Variants in ZNF506 observed in about 807,000 individuals in gnomAD.
ZNF506 encodes the protein zinc finger protein 506.
A neutral mutation model predicts 11.6 loss-of-function variants in ZNF506; 10 were observed. The ratio of observed to expected loss-of-function variants is 0.86; its 90% CI spans 0.53 to 1.46. The LOEUF is 1.46. Ranked by LOEUF, ZNF506 falls within the 40% of genes most tolerant of loss-of-function variation. ZNF506 has a pLI of 0.00. For missense variants in ZNF506, 425 were observed against 521.2 expected (o/e 0.82, Z 1.80); for synonymous variants, 156 against 173.3 (o/e 0.90, Z 0.78).
rs896200421 is a variant in ZNF506, at chr19:19,792,795, T to C, written c.*1757A>G. Among the ~76,000 whole-genome samples the C allele has an allele frequency of 5.9e-5, 9 of 151,894 alleles. No homozygotes were observed. The highest frequency in any genetic ancestry group is 1.2e-4 in the Non-Finnish European group (8 of 67,976). On this transcript the variant is annotated 3_prime_UTR_variant, in exon 4 of 4. Coordinates refer to ENST00000540806, the MANE Select transcript of ZNF506 (RefSeq NM_001099269.3). ...TTAAAATGGTCTGCCAACATGTTAATGTAGGTTAGGCCATCCAAAAGACAA... is the reference window on the plus strand; with the variant it reads ...TTAAAATGGTCTGCCAACATGTTAACGTAGGTTAGGCCATCCAAAAGACAA...
At chr19:19,799,530 T>A in intron 3 of ZNF506, 1 of 618,406 alleles carries the variant, frequency 1.6e-6, no homozygotes, top group Non-Finnish European at 2.8e-6. Context: ...AAAAATGGAA[T>A]TAGAGTATAA....
chr19:19,799,190 T>A (rs1267888381), intron 3 of ZNF506: 1 of 323,862 alleles, frequency 3.1e-6, no homozygotes, highest in Non-Finnish European at 5.5e-6. Flanking sequence ...TTTGTGCGTG[T>A]GTGTGTCTCA....
At chr19:19,807,432 T>G (rs1273644890) in intron 1 of ZNF506, among the ~76,000 whole-genome samples, 1 of 152,220 alleles carries the variant, frequency 6.6e-6, no homozygotes, top group Non-Finnish European at 1.5e-5. Context: ...CTCTCAAATT[T>G]TAATATGTAC....
intron 3 of ZNF506, among the ~76,000 whole-genome samples, chr19:19,801,451 T>TG (rs2062791833): frequency 6.8e-6 from 1 of 147,254 alleles, no homozygotes; most frequent in Admixed American, 6.8e-5. Context: ...GCCAAAATCA[T>TG]GCCACTGCAC....
chr19:19,805,013 C>A (rs1420858545), intron 3 of ZNF506, among the ~76,000 whole-genome samples: 1 of 152,048 alleles, frequency 6.6e-6, no homozygotes, highest in Non-Finnish European at 1.5e-5. Flanking sequence ...AGCAAACCAA[C>A]ATGGCACATG....
At position 19,794,493 on chromosome 19, in the gene ZNF506, G is replaced by C; in HGVS notation, c.*59C>G. 1 of 1,472,762 alleles carries C rather than the reference G, an allele frequency of 6.8e-7. No individual in the cohort carries two copies. The highest frequency in any genetic ancestry group is 1.4e-5 in the African/African-American group (1 of 70,886). 91.2% of individuals were successfully genotyped at this position (1,472,762 alleles called of 1,614,324 possible). On this transcript the variant is annotated 3_prime_UTR_variant, in exon 4 of 4. Coordinates refer to ENST00000540806, the MANE Select transcript of ZNF506 (RefSeq NM_001099269.3). The stretch of plus-strand genomic sequence containing the variant: ...AATTCTCATATTTAGTCAGAGTCCA[G>C]GGCTAGTTAAAGGCTTTCCCACATT...
At chr19:19,800,423 T>TA (rs1568474341) in intron 3 of ZNF506, among the ~76,000 whole-genome samples, 1 of 147,396 alleles carries the variant, frequency 6.8e-6, no homozygotes, top group African/African-American at 2.5e-5. Context: ...TTTATATATA[T>TA]TATTTTTTTT....
rs559051159 is a variant in ZNF506 at position 19,805,730 on chromosome 19, C to T, written c.226+301G>A. Among the ~76,000 whole-genome samples the T allele has an allele frequency of 1.9e-4, 29 of 152,214 alleles. 1 individual carries two copies. The East Asian group carries it at 5.0e-3, about 26-fold the overall frequency. On this transcript the variant is annotated intron_variant, in intron 3 of 3. Transcript: ENST00000540806. ...GTGTGTCCCCAAAACAATGGAAAAA[C>T]AGCCAGATTGTGCAGTCTCTTATCT...
intron 1 of ZNF506, among the ~76,000 whole-genome samples, chr19:19,816,507 G>A (rs2062932721): frequency 6.6e-6 from 1 of 152,128 alleles, no homozygotes; most frequent in South Asian, 2.1e-4. Context: ...ACAGGCACCT[G>A]CCACCACGCC....
At chr19:19,808,629 G>C (rs566553976) in intron 1 of ZNF506, among the ~76,000 whole-genome samples, 1 of 151,082 alleles carries the variant, frequency 6.6e-6, no homozygotes, top group Non-Finnish European at 1.5e-5. Context: ...GGCGGATCAC[G>C]AGGTCATGAG....
chr19:19,801,697 A>ATGAGAACTGCTT (rs2062794429), intron 3 of ZNF506, among the ~76,000 whole-genome samples: 1 of 151,922 alleles, frequency 6.6e-6, no homozygotes, highest in African/African-American at 2.4e-5. Context: ...AGGCTGTGGC[A>ATGAGAACTGCTT]GAAGAATCTC....
chr19:19,818,761 G>A (rs116524179), intron 1 of ZNF506, among the ~76,000 whole-genome samples: 5,571 of 152,152 alleles, frequency 0.037, 351 homozygotes, highest in African/African-American at 0.13. Context: ...CCAGCACTTC[G>A]GGAGGCCAAA....
chr19:19,808,770 G>C (rs984456410), intron 1 of ZNF506, among the ~76,000 whole-genome samples: 1 of 147,878 alleles, frequency 6.8e-6, no homozygotes, highest in Admixed American at 6.9e-5. Context: ...TTGACCCCGG[G>C]AGGTGAAGTT....
chr19:19,804,627 T>A (rs988933149), intron 3 of ZNF506, among the ~76,000 whole-genome samples: 1 of 152,216 alleles, frequency 6.6e-6, no homozygotes, highest in Non-Finnish European at 1.5e-5. Context: ...TAAAGACACA[T>A]GCACACGTAT....
rs1201335997 is a variant in ZNF506 at position 19,821,592 on chromosome 19, C to T, written c.3+9G>A. The T allele has an allele frequency of 1.9e-6, 3 of 1,613,910 alleles. No individual in the cohort carries two copies. Among genetic ancestry groups the T allele is most frequent in the African/African-American group, 2.7e-5 (2 of 74,936 alleles). ...TCCCTCTCTCGGGATGTCGAACTGG[C>T]ACTCTCACCATTTCTAGGCTTCCAG... On this transcript the variant is annotated intron_variant, in intron 1 of 3. Transcript: ENST00000540806.
rs2304170 is a variant in ZNF506, at chr19:19,806,853, A to G, written c.130+89T>C. 8.0e-4 allele frequency: 1,186 copies of G among 1,476,254 alleles called. 28 individuals carry two copies. In the East Asian group the frequency reaches 0.028, roughly 35 times the overall value. 91.4% of individuals were successfully genotyped at this position (1,476,254 alleles called of 1,614,324 possible). On this transcript the variant is annotated intron_variant, in intron 2 of 3. Transcript: ENST00000540806. Reference sequence around the variant, plus strand: ...AGGAGATCTGAAACTCTTGTATGCAAAGAATAAATTACTAAAAAACATTCT... The same window carrying G: ...AGGAGATCTGAAACTCTTGTATGCAGAGAATAAATTACTAAAAAACATTCT...
At chr19:19,818,385 A>G (rs1192122720) in intron 1 of ZNF506, among the ~76,000 whole-genome samples, 2 of 152,210 alleles carry the variant, frequency 1.3e-5, no homozygotes, top group East Asian at 1.9e-4. Flanking sequence ...GACGATCTAT[A>G]TAACTCATCA....
intron 1 of ZNF506, among the ~76,000 whole-genome samples, chr19:19,817,884 A>G (rs1402514834): frequency 6.6e-6 from 1 of 150,534 alleles, no homozygotes; most frequent in African/African-American, 2.5e-5. Context: ...CTGCAATGCA[A>G]TGGCCCGATC....
Position 19,794,954 on chromosome 19 carries a change from T to TAA in ZNF506, c.932_933insTT (p.Lys311AsnfsTer75). ...TGCCACATTCCTCACATTTGTAGGGTTTCTCTCCAGTATGAATTATCTCAT... is the reference window on the plus strand; with the variant it reads ...TGCCACATTCCTCACATTTGTAGGGTAATTCTCTCCAGTATGAATTATCTCAT... On this transcript the variant is annotated frameshift_variant, in exon 4 of 4. Transcript: ENST00000540806. LOFTEE classifies it low-confidence loss of function (END_TRUNC). 3.7e-6 allele frequency: 6 copies of TAA among 1,613,934 alleles called. No individual in the cohort carries two copies. The highest frequency in any genetic ancestry group is 5.1e-6 in the Non-Finnish European group (6 of 1,179,992).
Sources: gnomAD v4.1 joint callset for allele counts (sites outside exome capture counted in the v4.1 genomes callset) on GRCh38, gnomAD v4.1.1 for gene constraint, MANE v1.5 for transcripts, NCBI Gene and HGNC (gene_info 2026-07-23, HGNC 2026-07-21) for gene names.